The following TCF12 variants were observed in gnomAD, a reference collection of about 807,000 sequenced individuals.
TCF12 encodes the protein DNA-binding protein HTF4.
Under a neutral mutation model 86.0 loss-of-function variants are expected in TCF12, and 45 were observed. The ratio of observed to expected loss-of-function variants is 0.52; its 90% CI spans 0.41 to 0.67. TCF12 has a LOEUF of 0.67. Ranked by LOEUF, TCF12 falls within the 30% of genes least tolerant of loss-of-function variation. The pLI is 0.00. For missense variants in TCF12, 881 were observed against 859.9 expected (o/e 1.02, Z -0.31); for synonymous variants, 330 against 299.6 (o/e 1.10, Z -1.05).
At chr15:57,118,737 T>C (rs1482386545) in intron 5 of TCF12, among the ~76,000 whole-genome samples, 1 of 152,196 alleles carries the variant, frequency 6.6e-6, no homozygotes, top group Non-Finnish European at 1.5e-5. Context: ...TCTTTTCCAG[T>C]TTTTCTTGTC....
At chr15:57,219,749 G>A (rs1423562955) in intron 8 of TCF12, among the ~76,000 whole-genome samples, 2 of 140,690 alleles carry the variant, frequency 1.4e-5, no homozygotes, top group Admixed American at 7.4e-5. Context: ...GCGGGGGGAC[G>A]GAGTCTTGCC....
chr15:57,002,678 A>G (rs2064119979), intron 3 of TCF12, among the ~76,000 whole-genome samples: 1 of 152,316 alleles, frequency 6.6e-6, no homozygotes, highest in Admixed American at 6.5e-5. Flanking sequence ...AGTTTCTAAA[A>G]GCTTTCCTTT....
Position 56,954,492 on chromosome 15 carries a change from A to G in TCF12, c.148+33394A>G, listed in dbSNP as rs144937021. ...CCTAGAAGAAAGCCTAGGCAATACT[A>G]TTCAGGAGATAGGCATGGGCAAGGA... On this transcript the variant is annotated intron_variant, in intron 3 of 20. Transcript: ENST00000333725. Among the ~76,000 whole-genome samples, 888 of 152,318 alleles carry G rather than the reference A, an allele frequency of 5.8e-3. 9 individuals carry two copies. The highest frequency in any genetic ancestry group is 7.8e-3 in the Admixed American group (119 of 15,302).
At chr15:56,920,362 A>G (rs763311607) in intron 2 of TCF12, among the ~76,000 whole-genome samples, 2 of 152,062 alleles carry the variant, frequency 1.3e-5, no homozygotes, top group Admixed American at 6.5e-5. Flanking sequence ...ACTCCTCACC[A>G]TTTTCCTCTC....
chr15:57,282,634 A>G (rs2061744867), intron 20 of TCF12, 36 bp downstream of exon 20: 1 of 1,593,598 alleles, frequency 6.3e-7, no homozygotes, highest in African/African-American at 1.4e-5. Flanking sequence ...GCAAGGAAAT[A>G]ACCTTAAGAT....
intron 5 of TCF12, among the ~76,000 whole-genome samples, chr15:57,143,471 G>A (rs2053135051): frequency 1.3e-5 from 2 of 151,990 alleles, no homozygotes; most frequent in South Asian, 2.1e-4. Context: ...AAATTAAACC[G>A]AAACAGCAAC....
At chr15:56,983,539 T>A (rs1299767844) in intron 3 of TCF12, among the ~76,000 whole-genome samples, 3 of 152,222 alleles carry the variant, frequency 2.0e-5, no homozygotes, top group Non-Finnish European at 2.9e-5. Context: ...TGGTAAATAC[T>A]ATATATTATG....
At chr15:57,224,217 ATTG>A (rs1242590138) in intron 8 of TCF12, among the ~76,000 whole-genome samples, 1 of 152,022 alleles carries the variant, frequency 6.6e-6, no homozygotes, top group East Asian at 1.9e-4. Flanking sequence ...CAGGTGCAAT[ATTG>A]TTGAATCTAA....
chr15:57,011,382 C>G (rs1288195759), intron 3 of TCF12, among the ~76,000 whole-genome samples: 2 of 151,960 alleles, frequency 1.3e-5, no homozygotes, highest in Non-Finnish European at 2.9e-5. Flanking sequence ...GACACCTGCC[C>G]CCCGCTTTTC....
At chr15:57,174,528 T>C (rs1298574006) in intron 6 of TCF12, among the ~76,000 whole-genome samples, 1 of 152,218 alleles carries the variant, frequency 6.6e-6, no homozygotes. Context: ...TTCTCATCAT[T>C]TTATGTTTTG....
intron 7 of TCF12, among the ~76,000 whole-genome samples, chr15:57,192,831 T>C (rs1029026053): frequency 3.3e-5 from 5 of 152,212 alleles, no homozygotes; most frequent in African/African-American, 9.7e-5. Context: ...ACATTGTAAG[T>C]TTTTAATGAA....
Position 57,000,348 on chromosome 15 carries a change from GTT to G in TCF12, c.149-63389_149-63388del, listed in dbSNP as rs11291698. Reference sequence around the variant, plus strand: ...AGCCACTGCACCTGGCCAGAAGTCTGTTTTTTTTTTTTTTAAACATATAAAAT... The same window carrying G: ...AGCCACTGCACCTGGCCAGAAGTCTGTTTTTTTTTTTTAAACATATAAAAT... On this transcript the variant is annotated intron_variant, in intron 3 of 20. Coordinates refer to ENST00000333725, the MANE Select transcript of TCF12 (RefSeq NM_207037.2). Among the ~76,000 whole-genome samples the G allele has an allele frequency of 7.6e-3, 1,110 of 146,560 alleles. 11 individuals carry two copies. Among genetic ancestry groups the G allele is most frequent in the African/African-American group, 0.024 (946 of 40,208 alleles).
intron 5 of TCF12, among the ~76,000 whole-genome samples, chr15:57,103,370 G>C (rs1299272609): frequency 2.0e-5 from 3 of 152,080 alleles, no homozygotes; most frequent in Non-Finnish European, 4.4e-5. Flanking sequence ...TCAACTTAAG[G>C]CTGTCTTCTG....
At chr15:57,244,978 A>G (rs2059794500) in intron 13 of TCF12, among the ~76,000 whole-genome samples, 1 of 152,338 alleles carries the variant, frequency 6.6e-6, no homozygotes, top group South Asian at 2.1e-4. Context: ...TGTTTGGAGA[A>G]AAGCCTTGCT....
At chr15:57,202,299 C>G (rs2057580866) in intron 8 of TCF12, among the ~76,000 whole-genome samples, 1 of 152,070 alleles carries the variant, frequency 6.6e-6, no homozygotes, top group Non-Finnish European at 1.5e-5. Flanking sequence ...TAAATTAAAA[C>G]TTAAATTTAT....
At chr15:57,161,271 C>CTT (rs1380569215) in intron 5 of TCF12, among the ~76,000 whole-genome samples, 17 of 152,102 alleles carry the variant, frequency 1.1e-4, no homozygotes, top group Admixed American at 1.0e-3. Context: ...AGCAAGATAA[C>CTT]TTTTTTTTAA....
rs1031637282 is a variant in TCF12 at position 57,216,630 on chromosome 15, A to G, written c.580-14522A>G. ...TACTAAAGCAGCACTTGATCCATCT[A>G]TATGCATTTTTTTCCTGTAATATGA... is the stretch of plus-strand genomic sequence containing the variant. On this transcript the variant is annotated intron_variant, in intron 8 of 20. Transcript: ENST00000333725. 2.6e-5 allele frequency among the ~76,000 whole-genome samples: 4 copies of G among 151,806 alleles called. No homozygotes were observed. The East Asian group carries it at 5.8e-4, about 22-fold the overall frequency.
intron 13 of TCF12, chr15:57,247,891 C>G (rs1597613233): frequency 1.3e-6 from 1 of 762,762 alleles, no homozygotes; most frequent in Non-Finnish European, 2.4e-6. Context: ...CAAAATGTCT[C>G]TTAAACTATC....
At chr15:57,207,255 T>G (rs1475342245) in intron 8 of TCF12, among the ~76,000 whole-genome samples, 1 of 152,224 alleles carries the variant, frequency 6.6e-6, no homozygotes, top group Non-Finnish European at 1.5e-5. Flanking sequence ...ATACAAAAAT[T>G]AAGAATATCT....
Sources: gnomAD v4.1 joint callset for allele counts (sites outside exome capture counted in the v4.1 genomes callset) on GRCh38, gnomAD v4.1.1 for gene constraint, MANE v1.5 for transcripts, NCBI Gene and HGNC (gene_info 2026-07-23, HGNC 2026-07-21) for gene names.